The following CAMK4 variants were observed in gnomAD, a reference collection of about 807,000 sequenced individuals.
CAMK4 encodes the protein calcium/calmodulin-dependent protein kinase type IV.
A neutral mutation model predicts 44.9 loss-of-function variants in CAMK4; 22 were observed. The observed-to-expected ratio is 0.49, with a 90% CI of 0.35 to 0.70. CAMK4 has a LOEUF of 0.70. Ranked by LOEUF, CAMK4 falls within the 30% of genes least tolerant of loss-of-function variation. CAMK4 has a pLI of 0.01. For synonymous variants in CAMK4, 218 were observed against 215.4 expected, an observed-to-expected ratio of 1.01 and a Z score of -0.11; for missense variants, 498 against 586.8, an observed-to-expected ratio of 0.85 and a Z score of 1.56.
At chr5:111,363,141 T>C (rs75579664) in intron 2 of CAMK4, among the ~76,000 whole-genome samples, 5,863 of 152,180 alleles carry the variant, frequency 0.039, 138 homozygotes, top group South Asian at 0.069. Context: ...TAACTTCACC[T>C]GTGCATTAAT....
chr5:111,354,863 C>T (rs191683146), intron 2 of CAMK4, among the ~76,000 whole-genome samples: 3 of 152,180 alleles, frequency 2.0e-5, no homozygotes, highest in East Asian at 3.9e-4. Flanking sequence ...ACTCAGGATG[C>T]AGAATGGAGA....
intron 1 of CAMK4, among the ~76,000 whole-genome samples, chr5:111,252,307 C>T (rs756088053): frequency 6.6e-6 from 1 of 152,140 alleles, no homozygotes; most frequent in Non-Finnish European, 1.5e-5. Flanking sequence ...ATACAGGGCT[C>T]TTGCTGTAAA....
intron 2 of CAMK4, among the ~76,000 whole-genome samples, chr5:111,351,886 T>C (rs1361995923): frequency 2.6e-5 from 4 of 152,166 alleles, no homozygotes; most frequent in Non-Finnish European, 5.9e-5. Flanking sequence ...TTCTGGAGGC[T>C]GAGAAGTCCA....
intron 2 of CAMK4, among the ~76,000 whole-genome samples, chr5:111,355,790 A>T (rs1750323064): frequency 1.3e-5 from 2 of 150,612 alleles, no homozygotes; most frequent in African/African-American, 4.9e-5. Flanking sequence ...ACCGAGAATG[A>T]TGATTTCCAA....
chr5:111,378,605 T>C (rs1420289416), intron 4 of CAMK4, among the ~76,000 whole-genome samples: 1 of 152,146 alleles, frequency 6.6e-6, no homozygotes, highest in Non-Finnish European at 1.5e-5. Flanking sequence ...TTAGAGCAGG[T>C]TCAACATATT....
intron 3 of CAMK4, among the ~76,000 whole-genome samples, 163 bp from the exon 4 acceptor site, chr5:111,376,697 A>G (rs1229382534): frequency 1.3e-5 from 2 of 152,154 alleles, no homozygotes; most frequent in African/African-American, 4.8e-5. Flanking sequence ...CAACCCAGAA[A>G]GAGAGTGAGA....
intron 2 of CAMK4, among the ~76,000 whole-genome samples, chr5:111,367,155 A>G (rs924891853): frequency 1.3e-5 from 2 of 149,600 alleles, no homozygotes; most frequent in African/African-American, 4.9e-5. Flanking sequence ...AGAATACCGC[A>G]TTCTAGATAA....
intron 5 of CAMK4, among the ~76,000 whole-genome samples, chr5:111,442,543 TAC>T (rs996343632): frequency 3.0e-4 from 30 of 99,436 alleles, no homozygotes; most frequent in South Asian, 1.8e-3. Context: ...TATATATATA[TAC>T]ACACACACAC....
intron 5 of CAMK4, among the ~76,000 whole-genome samples, chr5:111,425,486 T>A (rs563768759): frequency 1.3e-5 from 2 of 152,194 alleles, no homozygotes; most frequent in Non-Finnish European, 2.9e-5. Flanking sequence ...GTAGAACAGA[T>A]CCTTTTTCCT....
chr5:111,409,444 G>A (rs1241451885), intron 5 of CAMK4, among the ~76,000 whole-genome samples: 1 of 152,234 alleles, frequency 6.6e-6, no homozygotes, highest in Non-Finnish European at 1.5e-5. Flanking sequence ...CAGCAGGGGA[G>A]CCCTGGGTCA....
Position 111,344,084 on chromosome 5 carries a change from C to T in CAMK4, c.222C>T (p.Leu74=). 6.3e-7 allele frequency: 1 copy of T among 1,599,852 alleles called. No individual in the cohort carries two copies. The highest frequency in any genetic ancestry group is 8.6e-7 in the Non-Finnish European group (1 of 1,167,960). The change falls in exon 2 of 11, where the codon CTC becomes CTT. Residue 74 remains leucine, a synonymous_variant. Coordinates refer to ENST00000282356, the MANE Select transcript of CAMK4 (RefSeq NM_001744.6). ...AGGGGACCCAGAAGCCTTATGCTCT[C>T]AAAGTGTTAAAGAAAACAGTAAGTT... The part of the protein sequence containing the change: ...KQKGTQKPYA[L]KVLKKTVDKK...
At chr5:111,318,026 A>G (rs1748507086) in intron 1 of CAMK4, among the ~76,000 whole-genome samples, 1 of 152,038 alleles carries the variant, frequency 6.6e-6, no homozygotes, top group Non-Finnish European at 1.5e-5. Flanking sequence ...GAGAATGGAA[A>G]CACTTGATTT....
At chr5:111,418,954 A>G (rs1752918501) in intron 5 of CAMK4, among the ~76,000 whole-genome samples, 1 of 152,086 alleles carries the variant, frequency 6.6e-6, no homozygotes, top group Non-Finnish European at 1.5e-5. Flanking sequence ...TTGGGTATAT[A>G]CCCAGTAATG....
At chr5:111,302,414 G>T (rs554425565) in intron 1 of CAMK4, 5 of 148,320 alleles carry the variant, frequency 3.4e-5, no homozygotes, top group African/African-American at 5.2e-5. Context: ...GAAGCAGGGC[G>T]AGGCATTGCC....
chr5:111,469,684 A>G (rs1754995395), intron 7 of CAMK4, among the ~76,000 whole-genome samples: 1 of 152,246 alleles, frequency 6.6e-6, no homozygotes, highest in African/African-American at 2.4e-5. Context: ...TAGAGCCAAC[A>G]GGATGAGTCC....
At chr5:111,246,282 T>C (rs1262326881) in intron 1 of CAMK4, among the ~76,000 whole-genome samples, 1 of 152,244 alleles carries the variant, frequency 6.6e-6, no homozygotes, top group Non-Finnish European at 1.5e-5. Context: ...GCCCAGTCTG[T>C]CTACCCCCAA....
chr5:111,276,240 CTGTT>C (rs1750755349), intron 1 of CAMK4, among the ~76,000 whole-genome samples: 1 of 152,136 alleles, frequency 6.6e-6, no homozygotes, highest in Non-Finnish European at 1.5e-5. Context: ...CTAGGTCTGT[CTGTT>C]TTTCTTTTAA....
intron 5 of CAMK4, among the ~76,000 whole-genome samples, chr5:111,438,117 T>G (rs1320165983): frequency 6.6e-6 from 1 of 152,124 alleles, no homozygotes; most frequent in Non-Finnish European, 1.5e-5. Flanking sequence ...CTTGAACACT[T>G]AAGTTGATGG....
At chr5:111,317,231 A>T (rs1748463919) in intron 1 of CAMK4, among the ~76,000 whole-genome samples, 1 of 152,148 alleles carries the variant, frequency 6.6e-6, no homozygotes, top group South Asian at 2.1e-4. Context: ...GAAATGTGCT[A>T]AAAAATGAAT....
Sources: gnomAD v4.1 joint callset for allele counts (sites outside exome capture counted in the v4.1 genomes callset) on GRCh38, gnomAD v4.1.1 for gene constraint, MANE v1.5 for transcripts, NCBI Gene and HGNC (gene_info 2026-07-23, HGNC 2026-07-21) for gene names.